WWOX: variants seen among roughly 807,000 people sequenced by gnomAD.
WWOX encodes the protein WW domain containing oxidoreductase.
A neutral mutation model predicts 46.2 loss-of-function variants in WWOX; 69 were observed. The observed-to-expected ratio is 1.49, with a 90% CI of 1.23 to 1.82. The LOEUF (loss-of-function observed/expected upper bound fraction) is 1.82. Ranked by LOEUF, WWOX falls within the 40% of genes most tolerant of loss-of-function variation. The pLI is 0.00. For missense variants in WWOX, 919 were observed against 542.6 expected, an observed-to-expected ratio of 1.69 and a Z score of -6.89; for synonymous variants, 359 against 202.6, an observed-to-expected ratio of 1.77 and a Z score of -6.56.
intron 8 of WWOX, among the ~76,000 whole-genome samples, chr16:79,138,123 T>C (rs1352654030): frequency 1.3e-5 from 2 of 152,110 alleles, no homozygotes; most frequent in Non-Finnish European, 2.9e-5. Flanking sequence ...CAGCCAGAAA[T>C]AATTCCCCGA....
At chr16:78,325,141 T>C (rs1283940954) in intron 5 of WWOX, among the ~76,000 whole-genome samples, 2 of 152,168 alleles carry the variant, frequency 1.3e-5, no homozygotes. Context: ...CCTTTAAAGC[T>C]AGAAGGCACT....
intron 8 of WWOX, among the ~76,000 whole-genome samples, chr16:78,811,253 C>G (rs1597652490): frequency 1.3e-5 from 2 of 152,184 alleles, no homozygotes; most frequent in South Asian, 4.1e-4. Flanking sequence ...GTGTATTATT[C>G]TGCAATTGCT....
chr16:78,546,908 C>T (rs2078941299), intron 8 of WWOX, among the ~76,000 whole-genome samples: 1 of 152,074 alleles, frequency 6.6e-6, no homozygotes, highest in South Asian at 2.1e-4. Flanking sequence ...GGGTGGATCA[C>T]TTGAGCCCAG....
intron 8 of WWOX, among the ~76,000 whole-genome samples, chr16:79,067,640 G>GC (rs1367959889): frequency 7.1e-6 from 1 of 140,084 alleles, no homozygotes; most frequent in Non-Finnish European, 1.6e-5. Flanking sequence ...TGGGGGGCGG[G>GC]GGGGGGCACT....
chr16:78,381,039 TA>T (rs1257184966), intron 5 of WWOX, among the ~76,000 whole-genome samples: 1 of 152,204 alleles, frequency 6.6e-6, no homozygotes, highest in Non-Finnish European at 1.5e-5. Flanking sequence ...ATCCTTCCAG[TA>T]GCTTTCCTGA....
At chr16:78,592,589 T>C (rs1490704119) in intron 8 of WWOX, among the ~76,000 whole-genome samples, 2 of 152,152 alleles carry the variant, frequency 1.3e-5, no homozygotes, top group Non-Finnish European at 2.9e-5. Context: ...TGGGGTTGCT[T>C]CTTTTTATTT....
chr16:78,742,162 C>T (rs2049244269), intron 8 of WWOX, among the ~76,000 whole-genome samples: 1 of 152,166 alleles, frequency 6.6e-6, no homozygotes, highest in Non-Finnish European at 1.5e-5. Context: ...TGTAATATTA[C>T]ATGTAGATTG....
chr16:78,638,714 G>C (rs2046634481), intron 8 of WWOX, among the ~76,000 whole-genome samples: 1 of 152,180 alleles, frequency 6.6e-6, no homozygotes, highest in Non-Finnish European at 1.5e-5. Flanking sequence ...GAATACATTA[G>C]AGCATTAGAG....
chr16:78,633,310 A>G (rs1224222100), intron 8 of WWOX, among the ~76,000 whole-genome samples: 1 of 152,136 alleles, frequency 6.6e-6, no homozygotes, highest in Non-Finnish European at 1.5e-5. Flanking sequence ...GCAGAGCATA[A>G]GTATCTTCTA....
chr16:78,973,428 A>T (rs1041501675), intron 8 of WWOX, among the ~76,000 whole-genome samples: 4 of 152,204 alleles, frequency 2.6e-5, no homozygotes. Context: ...GCTACTCAAT[A>T]ATTAGCCAAC....
intron 6 of WWOX, among the ~76,000 whole-genome samples, chr16:78,391,761 T>C (rs1407617892): frequency 6.6e-6 from 1 of 152,080 alleles, no homozygotes; most frequent in Non-Finnish European, 1.5e-5. Flanking sequence ...GGCATGAGAA[T>C]TGCTTGAGCT....
At chr16:78,131,838 C>A (rs2033606389) in intron 4 of WWOX, among the ~76,000 whole-genome samples, 1 of 151,616 alleles carries the variant, frequency 6.6e-6, no homozygotes, top group Non-Finnish European at 1.5e-5. Flanking sequence ...CCTACGTCGG[C>A]CTCCCAAAGT....
At chr16:78,749,474 A>T (rs1363875154) in intron 8 of WWOX, among the ~76,000 whole-genome samples, 2 of 152,222 alleles carry the variant, frequency 1.3e-5, no homozygotes, top group Admixed American at 6.5e-5. Context: ...GGTTCTGGTG[A>T]TAGAATATTA....
intron 8 of WWOX, among the ~76,000 whole-genome samples, chr16:78,735,128 A>G (rs1180990795): frequency 2.0e-5 from 3 of 151,630 alleles, no homozygotes; most frequent in Admixed American, 6.6e-5. Flanking sequence ...TGACGTCGCA[A>G]AGTGCTGGGA....
chr16:78,149,641 C>A (rs35575945), intron 4 of WWOX, among the ~76,000 whole-genome samples: 29,119 of 152,102 alleles, frequency 0.19, 2,743 homozygotes, highest in East Asian at 0.22. Flanking sequence ...TCCCTCTTTC[C>A]GGACAGCTGC....
At chr16:78,716,764 T>A (rs1478339739) in intron 8 of WWOX, among the ~76,000 whole-genome samples, 1 of 152,150 alleles carries the variant, frequency 6.6e-6, no homozygotes, top group Non-Finnish European at 1.5e-5. Context: ...AATTGCAGGA[T>A]CTTCCTTATA....
At chr16:79,119,808 C>T (rs1378354916) in intron 8 of WWOX, among the ~76,000 whole-genome samples, 2 of 152,136 alleles carry the variant, frequency 1.3e-5, no homozygotes, top group Non-Finnish European at 2.9e-5. Flanking sequence ...AGGGAAGACA[C>T]TAGGATCAAG....
At chr16:78,677,056 C>G (rs1249010347) in intron 8 of WWOX, among the ~76,000 whole-genome samples, 1 of 147,832 alleles carries the variant, frequency 6.8e-6, no homozygotes, top group Non-Finnish European at 1.5e-5. Context: ...ACCTAGCGTA[C>G]TTTTTTTTTT....
intron 8 of WWOX, among the ~76,000 whole-genome samples, chr16:78,937,962 G>C (rs534528496): frequency 7.2e-4 from 110 of 152,272 alleles, no homozygotes; most frequent in African/African-American, 2.4e-3. Flanking sequence ...TCTGTGTTCA[G>C]TGTTTTCTTA....
Sources: gnomAD v4.1 joint callset for allele counts (sites outside exome capture counted in the v4.1 genomes callset) on GRCh38, gnomAD v4.1.1 for gene constraint, MANE v1.5 for transcripts, NCBI Gene and HGNC (gene_info 2026-07-23, HGNC 2026-07-21) for gene names.